DPP10: variants seen among roughly 807,000 people sequenced by gnomAD.
DPP10 encodes the protein inactive dipeptidyl peptidase 10.
DPP10 carries 33 observed loss-of-function variants against 120.9 expected under a neutral mutation model. The observed-to-expected ratio is 0.27, with a 90% CI of 0.21 to 0.37. The LOEUF is 0.37. Among genes scored for constraint, DPP10 ranks in the 10% least tolerant of loss-of-function variants. The pLI is 1.00. For missense variants in DPP10, 816 were observed against 942.8 expected (o/e 0.87, Z 1.76); for synonymous variants, 337 against 326.1 (o/e 1.03, Z -0.36).
intron 1 of DPP10, among the ~76,000 whole-genome samples, chr2:115,154,729 C>T (rs1355218460): frequency 1.3e-5 from 2 of 151,754 alleles, no homozygotes; most frequent in Non-Finnish European, 2.9e-5. Flanking sequence ...TAGACCCCTA[C>T]CCACCACCCC....
At chr2:115,248,577 A>C (rs1418752172) in intron 1 of DPP10, among the ~76,000 whole-genome samples, 2 of 152,094 alleles carry the variant, frequency 1.3e-5, no homozygotes, top group African/African-American at 4.8e-5. Flanking sequence ...AATAAGTTAT[A>C]CAGAGGTAAT....
intron 1 of DPP10, among the ~76,000 whole-genome samples, chr2:114,805,484 C>T (rs186624898): frequency 6.6e-6 from 1 of 152,302 alleles, no homozygotes; most frequent in East Asian, 1.9e-4. Context: ...TACCTGTCCC[C>T]TGCAGCAGAT....
intron 5 of DPP10, among the ~76,000 whole-genome samples, chr2:115,584,445 A>G (rs2082171935): frequency 6.6e-6 from 1 of 152,208 alleles, no homozygotes; most frequent in Admixed American, 6.5e-5. Flanking sequence ...AAGAGGAGGA[A>G]AGGAAGTTGG....
intron 3 of DPP10, among the ~76,000 whole-genome samples, chr2:115,359,337 C>T (rs2064616924): frequency 1.3e-5 from 2 of 152,054 alleles, no homozygotes; most frequent in Admixed American, 1.3e-4. Flanking sequence ...TAATAAATTC[C>T]CTTAGTGTTT....
At chr2:114,561,189 T>C (rs2104943639) in intron 1 of DPP10, among the ~76,000 whole-genome samples, 1 of 152,316 alleles carries the variant, frequency 6.6e-6, no homozygotes, top group Admixed American at 6.5e-5. Context: ...TCCACATGTC[T>C]GACCTCTCCA....
chr2:114,542,330 G>A (rs545021063), intron 1 of DPP10, among the ~76,000 whole-genome samples: 32 of 152,148 alleles, frequency 2.1e-4, no homozygotes, highest in South Asian at 1.0e-3. Context: ...TTACAGGCAT[G>A]AGCCACCGTG....
intron 1 of DPP10, among the ~76,000 whole-genome samples, chr2:114,709,483 A>C (rs1700889223): frequency 6.6e-6 from 1 of 152,180 alleles, no homozygotes; most frequent in Non-Finnish European, 1.5e-5. Context: ...TCCTGGTTGG[A>C]CACCAACATA....
At chr2:114,498,822 G>A (rs1167314982) in intron 1 of DPP10, among the ~76,000 whole-genome samples, 2 of 152,128 alleles carry the variant, frequency 1.3e-5, no homozygotes, top group Admixed American at 6.5e-5. Context: ...AGTTTCAGAG[G>A]AGACACTGAA....
intron 5 of DPP10, among the ~76,000 whole-genome samples, chr2:115,612,935 A>G (rs1354975123): frequency 6.6e-6 from 1 of 152,024 alleles, no homozygotes; most frequent in Non-Finnish European, 1.5e-5. Flanking sequence ...GAATAATCTT[A>G]CCACTAGGCA....
At chr2:115,131,562 C>G (rs79990308) in intron 1 of DPP10, among the ~76,000 whole-genome samples, 4 of 151,472 alleles carry the variant, frequency 2.6e-5, no homozygotes, top group Non-Finnish European at 5.9e-5. Context: ...AAAAATATAG[C>G]AAAAAAAGAA....
chr2:114,973,661 C>CAGAAAA (rs1699548004), intron 1 of DPP10, among the ~76,000 whole-genome samples: 1 of 71,034 alleles, frequency 1.4e-5, no homozygotes, highest in African/African-American at 6.3e-5. Flanking sequence ...GACTCCGTCT[C>CAGAAAA]AAAAAAAAAA....
chr2:115,796,119 C>T (rs1160528073), intron 19 of DPP10, among the ~76,000 whole-genome samples: 1 of 152,068 alleles, frequency 6.6e-6, no homozygotes, highest in South Asian at 2.1e-4. Context: ...ACATCAGCCA[C>T]CCCCAAAGAG....
intron 1 of DPP10, among the ~76,000 whole-genome samples, chr2:114,882,823 T>C (rs572489269): frequency 6.6e-5 from 10 of 152,104 alleles, no homozygotes; most frequent in Admixed American, 3.9e-4. Flanking sequence ...AGGAAAAATA[T>C]GAATGAAATA....
At chr2:114,662,352 G>C (rs1697484263) in intron 1 of DPP10, among the ~76,000 whole-genome samples, 2 of 152,326 alleles carry the variant, frequency 1.3e-5, no homozygotes, top group South Asian at 4.1e-4. Context: ...ACCGCTGCGC[G>C]GGGAGCTCCG....
chr2:115,469,444 A>G (rs2074542758), intron 3 of DPP10, among the ~76,000 whole-genome samples: 1 of 152,228 alleles, frequency 6.6e-6, no homozygotes, highest in Admixed American at 6.5e-5. Context: ...GCCTATAATC[A>G]GTTTTAAAGT....
intron 1 of DPP10, among the ~76,000 whole-genome samples, chr2:114,525,096 T>C (rs1685391127): frequency 2.0e-5 from 3 of 152,306 alleles, no homozygotes; most frequent in Middle Eastern, 3.4e-3. Flanking sequence ...GAGTTCTCCT[T>C]AGAGGTTTAA....
intron 5 of DPP10, among the ~76,000 whole-genome samples, chr2:115,610,264 T>C (rs974831688): frequency 5.9e-5 from 9 of 152,116 alleles, no homozygotes; most frequent in African/African-American, 1.9e-4. Flanking sequence ...ACTCAAGATA[T>C]GGCGGCTGCA....
chr2:114,777,028 T>C (rs978287200), intron 1 of DPP10, among the ~76,000 whole-genome samples: 2 of 152,150 alleles, frequency 1.3e-5, no homozygotes, highest in Non-Finnish European at 2.9e-5. Flanking sequence ...CATAACTATA[T>C]AATATATACA....
At chr2:115,767,696 C>T (rs965689181) in intron 12 of DPP10, among the ~76,000 whole-genome samples, 2 of 151,682 alleles carry the variant, frequency 1.3e-5, no homozygotes, top group African/African-American at 4.8e-5. Context: ...TGTAGGTGGG[C>T]ATTTGTGTTT....
Sources: gnomAD v4.1 joint callset for allele counts (sites outside exome capture counted in the v4.1 genomes callset) on GRCh38, gnomAD v4.1.1 for gene constraint, MANE v1.5 for transcripts, NCBI Gene and HGNC (gene_info 2026-07-23, HGNC 2026-07-21) for gene names.